The following VILL variants were observed in gnomAD, a reference collection of about 807,000 sequenced individuals.
VILL encodes villin like.
A neutral mutation model predicts 106.3 loss-of-function variants in VILL; 102 were observed. That is an observed-to-expected ratio of 0.96 (90% CI 0.82 to 1.13). The LOEUF (loss-of-function observed/expected upper bound fraction) is 1.13. Ranked by LOEUF, VILL falls within the 50% of genes most tolerant of loss-of-function variation. The probability of loss-of-function intolerance (pLI) is 0.00; values close to 1 mark genes in which losing one functional copy is unlikely to be tolerated. For missense variants in VILL, 1,076 were observed against 1,116.6 expected (o/e 0.96, Z 0.52); for synonymous variants, 431 against 440.3 (o/e 0.98, Z 0.27).
intron 1 of VILL, among the ~76,000 whole-genome samples, chr3:37,992,144 G>C (rs1699619377): frequency 1.3e-5 from 2 of 152,080 alleles, no homozygotes; most frequent in African/African-American, 4.8e-5. Context: ...AGTCTTTCTG[G>C]CACTCTGTCA....
intron 18 of VILL, 70 bp downstream of exon 18, chr3:38,006,322 G>A: frequency 1.9e-6 from 3 of 1,611,570 alleles, no homozygotes; most frequent in African/African-American, 2.7e-5. Context: ...GATGGGCAGG[G>A]GAAGTGCCAG....
intron 14 of VILL, chr3:38,002,957 C>T (rs1699846572): frequency 1.6e-6 from 1 of 619,138 alleles, no homozygotes; most frequent in Non-Finnish European, 2.7e-6. Context: ...GCTCTGGACC[C>T]TGCGAGGGTC....
At position 37,998,225 on chromosome 3, in the gene VILL, A is replaced by G. The variant is rs769819903; in HGVS notation, c.844-41A>G. 1.9e-6 allele frequency: 3 copies of G among 1,613,662 alleles called. No homozygotes were observed. Among genetic ancestry groups the G allele is most frequent in the Non-Finnish European group, 8.5e-7 (1 of 1,179,708 alleles). ...CCTTCCCCATCCACAACCCCAGCCC[A>G]GTCTGGACCACCTACTGACCAGCCC... On this transcript the variant is annotated intron_variant, in intron 8 of 19. Coordinates refer to ENST00000383759, the MANE Select transcript of VILL (RefSeq NM_015873.4). This position sits in a 1 kb window ranked among gnomAD's most constrained non-coding sequence, Gnocchi z 4.1.
rs747410007 is a variant in VILL, at chr3:38,002,516, A to G, written c.1600A>G (p.Asn534Asp). ...GGTGCCAGCCCGTGCCTCATCCCTC[A>G]ACTCCAGTGACATCTTCTTGCTGGT... ...MEVPARASSL[N>D]SSDIFLLVTA... is the part of the protein sequence containing the mutation. Residue 534 changes from asparagine to aspartate, a missense_variant, in exon 14 of 20, where the codon AAC becomes GAC. Transcript: ENST00000383759. The G allele has an allele frequency of 6.2e-7, 1 of 1,614,208 alleles. No homozygotes were observed. Among genetic ancestry groups the G allele is most frequent in the South Asian group, 1.1e-5 (1 of 91,086 alleles).
chr3:37,988,983 G>A (rs1699579450), upstream of VILL, among the ~76,000 whole-genome samples: 1 of 152,108 alleles, frequency 6.6e-6, no homozygotes, highest in Non-Finnish European at 1.5e-5. Context: ...TTAAATCTTA[G>A]GAAAAAAGAT....
Position 38,003,003 on chromosome 3 carries a change from G to C in VILL, c.1660-165G>C, listed in dbSNP as rs1289841418. ...CGATCCAGATCAACTGGGGACACAG[G>C]CCTGTAGGGTGAGGAAGATGCCTTG... is the stretch of plus-strand genomic sequence containing the variant. On this transcript the variant is annotated intron_variant, in intron 14 of 19. Transcript: ENST00000383759. 6 of 881,596 alleles carry C rather than the reference G, an allele frequency of 6.8e-6. No individual in the cohort carries two copies. The East Asian group carries it at 1.6e-4, about 24-fold the overall frequency. The allele number at this position is 881,596 out of a possible 1,614,324, so 54.6% of individuals were successfully genotyped here.
At chr3:37,989,053 G>C (rs1699580197), upstream of VILL, among the ~76,000 whole-genome samples, 1 of 152,180 alleles carries the variant, frequency 6.6e-6, no homozygotes, top group Non-Finnish European at 1.5e-5. Flanking sequence ...GACACAGAGG[G>C]AGGCTGGCTC....
chr3:37,992,899 C>A (rs927159714), intron 1 of VILL, among the ~76,000 whole-genome samples: 1 of 152,176 alleles, frequency 6.6e-6, no homozygotes, highest in African/African-American at 2.4e-5. Flanking sequence ...TGTCCCCTCA[C>A]CTTGTTCTGC....
chr3:37,992,266 CAG>C (rs1699621304), intron 1 of VILL, among the ~76,000 whole-genome samples: 1 of 152,168 alleles, frequency 6.6e-6, no homozygotes, highest in Non-Finnish European at 1.5e-5. Flanking sequence ...GCCTATTACT[CAG>C]TGTCCTTCTA....
chr3:37,995,141 T>G (rs866676091), intron 4 of VILL, among the ~76,000 whole-genome samples: 1 of 152,260 alleles, frequency 6.6e-6, no homozygotes, highest in African/African-American at 2.4e-5. Context: ...TTGAGTTTGC[T>G]TTTATGTTAC....
chr3:38,005,763 C>A, intron 16 of VILL, 29 bp from the exon 17 acceptor site: 1 of 1,585,994 alleles, frequency 6.3e-7, no homozygotes, highest in Non-Finnish European at 8.6e-7. Flanking sequence ...CCTCCACCTG[C>A]CCAAGGCCAG....
chr3:37,999,019 G>C lies in VILL; in HGVS notation c.1050G>C (p.Lys350Asn). 2 of 1,601,902 alleles carry C rather than the reference G, an allele frequency of 1.2e-6. No individual in the cohort carries two copies. Among genetic ancestry groups the C allele is most frequent in the Non-Finnish European group, 1.7e-6 (2 of 1,173,682 alleles). ...AGCTCTTCCGGACTTGGTCTGAGAA[G>C]CGGCGCAGGAACCAGAAGCTCGGCG... Reference protein sequence around the residue: ...FKQLFRTWSEKRRRNQKLGGR... With the variant: ...FKQLFRTWSENRRRNQKLGGR... Residue 350 changes from lysine to asparagine, a missense_variant, in exon 10 of 20, where the codon AAG becomes AAC. Transcript: ENST00000383759.
chr3:37,999,381 C>A lies in VILL; in HGVS notation c.1124C>A (p.Thr375Asn). The change falls in exon 11 of 20, where the codon ACC (threonine) becomes AAC (asparagine). Residue 375 changes from threonine to asparagine, a missense_variant. Thr to Asn is a moderately conservative substitution (Grantham distance 65). Coordinates refer to ENST00000383759, the MANE Select transcript of VILL (RefSeq NM_015873.4). The part of the protein sequence containing the change: ...HVKLDVGKLH[T>N]QPKLAAQLRM... ...AAGCTGGACGTGGGCAAGCTGCACA[C>A]CCAGCCTAAGTTAGCGGCCCAGCTC... The A allele has an allele frequency of 1.3e-6, 2 of 1,509,862 alleles. No individual in the cohort carries two copies. The highest frequency in any genetic ancestry group is 1.8e-6 in the Non-Finnish European group (2 of 1,132,082). The allele number at this position is 1,509,862 out of a possible 1,614,324, so 93.5% of individuals were successfully genotyped here.
rs1699832400 is a variant in VILL, at chr3:38,002,284, C to T, written c.1480-112C>T. The stretch of plus-strand genomic sequence containing the variant: ...CCTCATGTGAAATCACCAGTGAGGG[C>T]CTTGATGGCTTCAAGCAAGGGTCCC... On this transcript the variant is annotated intron_variant, in intron 13 of 19. Transcript: ENST00000383759. 3 of 993,882 alleles carry T rather than the reference C, an allele frequency of 3.0e-6. No individual in the cohort carries two copies. The Admixed American group carries it at 8.4e-5, about 28-fold the overall frequency. 61.6% of individuals were successfully genotyped at this position (993,882 alleles called of 1,614,324 possible).
At chr3:38,004,024 TG>T in intron 15 of VILL, 1 of 465,892 alleles carries the variant, frequency 2.1e-6, no homozygotes. Flanking sequence ...GGGAAATTCA[TG>T]GGGCACCTTG....
Position 37,997,039 on chromosome 3 carries a change from G to T in VILL, c.451-38G>T, listed in dbSNP as rs1423156650. On this transcript the variant is annotated intron_variant, in intron 5 of 19. Transcript: ENST00000383759. This position sits in a 1 kb window ranked among gnomAD's most constrained non-coding sequence, Gnocchi z 4.7. The stretch of plus-strand genomic sequence containing the variant: ...CTATGCTCCCCTCTAGCGGATGCTG[G>T]TGGTATGACACTCTGTCTCTCTCCC... 21 of 1,584,036 alleles carry T rather than the reference G, an allele frequency of 1.3e-5. No individual in the cohort carries two copies. The highest frequency in any genetic ancestry group is 1.8e-5 in the Non-Finnish European group (21 of 1,153,224).
At chr3:37,996,233 C>T (rs571528712) in intron 5 of VILL, among the ~76,000 whole-genome samples, 8 of 152,198 alleles carry the variant, frequency 5.3e-5, no homozygotes, top group South Asian at 4.1e-4. Context: ...GATGATATGG[C>T]GCCTGTGAAT....
chr3:37,999,832 C>T (rs1270890650), intron 11 of VILL, among the ~76,000 whole-genome samples: 3 of 152,226 alleles, frequency 2.0e-5, no homozygotes, highest in Non-Finnish European at 4.4e-5. Context: ...GACATGACCA[C>T]GGTCACACAC....
In VILL at chr3:37,999,064, GC is replaced by G; in HGVS notation, c.1081+15del. 1 of 1,453,100 alleles carries G rather than the reference GC, an allele frequency of 6.9e-7. No individual in the cohort carries two copies. Among genetic ancestry groups the G allele is most frequent in the Non-Finnish European group, 9.2e-7 (1 of 1,088,204 alleles). The allele number at this position is 1,453,100 out of a possible 1,614,324, so 90.0% of individuals were successfully genotyped here. ...TCGGCGGGAGGGGTGAGCGGGCGGG[GC>G]GGGGCTGACGGGGGCGGGGCGGGAC... On this transcript the variant is annotated intron_variant, in intron 10 of 19. Transcript: ENST00000383759.
Sources: gnomAD v4.1 joint callset for allele counts (sites outside exome capture counted in the v4.1 genomes callset) on GRCh38, gnomAD v4.1.1 for gene constraint, Gnocchi (gnomAD v3.1) non-coding constraint, MANE v1.5 for transcripts, NCBI Gene and HGNC (gene_info 2026-07-23, HGNC 2026-07-21) for gene names.